Variants in CCR5AS observed in about 807,000 individuals in gnomAD.
The protein encoded by CCR5AS is CCR5 antisense RNA.
At chr3:46,366,809 TG>T (rs1322609267) in intron 3 of CCR5AS, among the ~76,000 whole-genome samples, 1 of 152,114 alleles carries the variant, frequency 6.6e-6, no homozygotes, top group East Asian at 1.9e-4. Context: ...TGGCACTGGA[TG>T]GGGGTAGATT....
intron 1 of CCR5AS, among the ~76,000 whole-genome samples, chr3:46,403,425 C>T (rs1344556958): frequency 6.6e-6 from 1 of 152,152 alleles, no homozygotes; most frequent in East Asian, 1.9e-4. Context: ...CACACATGAA[C>T]ATTAAATATA....
At chr3:46,404,069 A>G (rs970863786) in intron 1 of CCR5AS, among the ~76,000 whole-genome samples, 3 of 152,228 alleles carry the variant, frequency 2.0e-5, no homozygotes, top group African/African-American at 7.2e-5. Context: ...CTGAAAGGCG[A>G]TAAATCAGTA....
chr3:46,388,258 G>A (rs1279084333), intron 2 of CCR5AS, among the ~76,000 whole-genome samples: 1 of 151,940 alleles, frequency 6.6e-6, no homozygotes, highest in East Asian at 1.9e-4. Flanking sequence ...CAGGATTAGG[G>A]GTGACACAGG....
intron 1 of CCR5AS, among the ~76,000 whole-genome samples, chr3:46,394,432 G>A (rs1036964581): frequency 1.3e-5 from 2 of 152,110 alleles, no homozygotes; most frequent in African/African-American, 4.8e-5. Flanking sequence ...GGAGAGTCAG[G>A]CTGTCCACAA....
At chr3:46,379,815 T>A (rs1701800888) in intron 2 of CCR5AS, among the ~76,000 whole-genome samples, 1 of 152,090 alleles carries the variant, frequency 6.6e-6, no homozygotes, top group African/African-American at 2.4e-5. Flanking sequence ...GAGAATCGCT[T>A]GAACCTGGGA....
At chr3:46,388,900 T>A (rs1169794652) in intron 2 of CCR5AS, among the ~76,000 whole-genome samples, 3 of 152,154 alleles carry the variant, frequency 2.0e-5, no homozygotes, top group Admixed American at 1.3e-4. Flanking sequence ...AGATCATCTG[T>A]CCACTCCAAG....
exon 4 of CCR5AS, among the ~76,000 whole-genome samples, chr3:46,364,634 C>CTATATATATATATATATA (rs3054358): frequency 1.3e-5 from 2 of 149,514 alleles, no homozygotes; most frequent in Admixed American, 6.7e-5. Flanking sequence ...TAAGAAATAG[C>CTATATATATATATATATA]TATATATATA....
At position 46,393,326 on chromosome 3, in the gene CCR5AS, T is replaced by C. The variant is rs190349241; in HGVS notation, n.164-274A>G. Among the ~76,000 whole-genome samples the C allele has an allele frequency of 6.6e-5, 10 of 152,012 alleles. No individual in the cohort carries two copies. The East Asian group carries it at 1.9e-3, about 29-fold the overall frequency. On this transcript the variant is annotated intron_variant and non_coding_transcript_variant, in intron 1 of 3. Transcript: ENST00000451485. The stretch of plus-strand genomic sequence containing the variant: ...TTTCACTTCTTTTGTGGTTCTTCAG[T>C]TGCTTCAGGCAATCTGGATGTATAT...
At chr3:46,373,027 T>A in intron 2 of CCR5AS, 2 of 1,614,132 alleles carry the variant, frequency 1.2e-6, no homozygotes, top group Admixed American at 3.3e-5. Context: ...CTGGTGTTCA[T>A]CTTTGGTTTT....
chr3:46,365,714 T>G (rs1471365862), intron 3 of CCR5AS, among the ~76,000 whole-genome samples: 4 of 152,180 alleles, frequency 2.6e-5, no homozygotes, highest in Admixed American at 6.5e-5. Context: ...GATCTAGATA[T>G]GTGAGATCTC....
intron 3 of CCR5AS, among the ~76,000 whole-genome samples, chr3:46,370,343 C>T (rs1254113697): frequency 6.6e-6 from 1 of 151,076 alleles, no homozygotes; most frequent in Non-Finnish European, 1.5e-5. Context: ...CTTTAGACAA[C>T]AGGTTGTTTC....
At chr3:46,377,299 C>G (rs1463782939) in intron 2 of CCR5AS, among the ~76,000 whole-genome samples, 3 of 152,180 alleles carry the variant, frequency 2.0e-5, no homozygotes, top group African/African-American at 7.2e-5. Flanking sequence ...AGTTTCAACT[C>G]ACGACCTTCA....
chr3:46,406,170 C>T (rs1295901712), intron 1 of CCR5AS, among the ~76,000 whole-genome samples: 2 of 152,186 alleles, frequency 1.3e-5, no homozygotes, highest in African/African-American at 4.8e-5. Flanking sequence ...GCCTCAGTGC[C>T]AGGCTAGTTT....
intron 2 of CCR5AS, among the ~76,000 whole-genome samples, chr3:46,386,209 C>T (rs1405597030): frequency 6.6e-6 from 1 of 152,142 alleles, no homozygotes; most frequent in Non-Finnish European, 1.5e-5. Flanking sequence ...AGCCACCCCA[C>T]CCGACCACAC....
At chr3:46,372,907 A>G in intron 2 of CCR5AS, 1 of 1,580,284 alleles carries the variant, frequency 6.3e-7, no homozygotes, top group South Asian at 1.2e-5. Context: ...AACAAGATGG[A>G]TTATCAAGTG....
At chr3:46,379,372 C>T (rs547933400) in intron 2 of CCR5AS, among the ~76,000 whole-genome samples, 1 of 152,002 alleles carries the variant, frequency 6.6e-6, no homozygotes, top group African/African-American at 2.4e-5. Context: ...TTGGAACCAA[C>T]CCAAATGTCC....
intron 1 of CCR5AS, among the ~76,000 whole-genome samples, chr3:46,397,788 G>A (rs1478166064): frequency 3.3e-5 from 5 of 152,238 alleles, no homozygotes; most frequent in Non-Finnish European, 5.9e-5. Context: ...AAGGGCAAAA[G>A]GAAGATTTAT....
chr3:46,376,231 TCAAGTGTA>T (rs1701756307), intron 2 of CCR5AS: 1 of 158,864 alleles, frequency 6.3e-6, no homozygotes, highest in African/African-American at 2.4e-5. Flanking sequence ...GCTCTTTCAG[TCAAGTGTA>T]CATTTAGAGA....
intron 2 of CCR5AS, among the ~76,000 whole-genome samples, chr3:46,388,973 G>T (rs1204807087): frequency 6.6e-6 from 1 of 152,150 alleles, no homozygotes; most frequent in East Asian, 1.9e-4. Flanking sequence ...TGGTTTGGAG[G>T]AAAAGTGTAA....
Sources: gnomAD v4.1 joint callset for allele counts (sites outside exome capture counted in the v4.1 genomes callset) on GRCh38, gnomAD v4.1.1 for gene constraint, MANE v1.5 for transcripts, NCBI Gene and HGNC (gene_info 2026-07-23, HGNC 2026-07-21) for gene names.